The following PLOD2 variants were observed in gnomAD, a reference collection of about 807,000 sequenced individuals.
PLOD2 encodes the protein lysine hydroxylase 2.
PLOD2 carries 65 observed loss-of-function variants against 101.0 expected under a neutral mutation model. The observed-to-expected ratio is 0.64, with a 90% CI of 0.53 to 0.79. The LOEUF is 0.79. Among genes scored for constraint, PLOD2 ranks in the 30% least tolerant of loss-of-function variants. The probability of loss-of-function intolerance (pLI) is 0.00; values close to 1 mark genes in which losing one functional copy is unlikely to be tolerated. For missense variants in PLOD2, 909 were observed against 914.6 expected (o/e 0.99, Z 0.08); for synonymous variants, 314 against 302.9 (o/e 1.04, Z -0.38).
intron 1 of PLOD2, among the ~76,000 whole-genome samples, chr3:146,147,665 AG>A (rs1237900276): frequency 2.6e-5 from 4 of 152,204 alleles, no homozygotes; most frequent in Admixed American, 2.0e-4. Context: ...CAAATATTCC[AG>A]GGGGGACAAA....
At chr3:146,103,315 A>C (rs886071189) in intron 6 of PLOD2, among the ~76,000 whole-genome samples, 2 of 152,224 alleles carry the variant, frequency 1.3e-5, no homozygotes, top group Admixed American at 6.5e-5. Flanking sequence ...CAAGGGTTCT[A>C]CAATTGGCTA....
chr3:146,092,237 T>C (rs1311561782), intron 7 of PLOD2, among the ~76,000 whole-genome samples: 1 of 151,992 alleles, frequency 6.6e-6, no homozygotes, highest in Non-Finnish European at 1.5e-5. Context: ...GTGAGACTTA[T>C]TAGGAAAAAT....
intron 3 of PLOD2, among the ~76,000 whole-genome samples, chr3:146,113,386 TA>T (rs528793023): frequency 6.6e-6 from 1 of 152,292 alleles, no homozygotes; most frequent in Admixed American, 6.5e-5. Context: ...ATTTTGGCTG[TA>T]AAAAGTCAAA....
intron 14 of PLOD2, 91 bp downstream of exon 14, chr3:146,077,771 A>AG: frequency 2.8e-6 from 2 of 720,766 alleles, no homozygotes; most frequent in South Asian, 3.5e-5. Flanking sequence ...GCTAAATGCA[A>AG]ATAAGGCCCT....
chr3:146,160,191 T>C (rs1441750890), intron 1 of PLOD2, among the ~76,000 whole-genome samples: 1 of 152,156 alleles, frequency 6.6e-6, no homozygotes. Context: ...GTGGTGAAAC[T>C]CTCTTTAATC....
chr3:146,119,873 T>A (rs547868858), intron 3 of PLOD2, among the ~76,000 whole-genome samples: 1 of 152,318 alleles, frequency 6.6e-6, no homozygotes, highest in African/African-American at 2.4e-5. Context: ...TCCAAGTCTT[T>A]GCTATCGTGA....
At chr3:146,092,004 T>A in intron 7 of PLOD2, 103 bp from the exon 8 acceptor site, 1 of 706,974 alleles carries the variant, frequency 1.4e-6, no homozygotes, top group South Asian at 1.5e-5. Context: ...GCAGCAGGTA[T>A]ATTCCTTTAG....
At position 146,079,906 on chromosome 3, in the gene PLOD2, T is replaced by TGAA. The variant is rs370516440; in HGVS notation, c.1359-652_1359-650dup. Reference sequence around the variant, plus strand: ...AATATTTTATAGAAAAAGGAAAACATGAAGAAATACAGCTGGGAGCACATG... The same window carrying TGAA: ...AATATTTTATAGAAAAAGGAAAACATGAAGAAGAAATACAGCTGGGAGCACATG... On this transcript the variant is annotated intron_variant, in intron 12 of 19. Transcript: ENST00000282903. Among the ~76,000 whole-genome samples the TGAA allele has an allele frequency of 1.0e-3, 159 of 152,110 alleles. 1 individual carries two copies. Among genetic ancestry groups the TGAA allele is most frequent in the African/African-American group, 3.6e-3 (149 of 41,564 alleles).
chr3:146,114,780 G>A (rs1306770628), intron 3 of PLOD2, among the ~76,000 whole-genome samples: 1 of 152,060 alleles, frequency 6.6e-6, no homozygotes, highest in African/African-American at 2.4e-5. Context: ...GAAAAACAGG[G>A]CACAGAAGAA....
intron 3 of PLOD2, 123 bp from the exon 4 acceptor site, chr3:146,110,571 A>G: frequency 1.4e-6 from 1 of 691,774 alleles, no homozygotes; most frequent in South Asian, 1.9e-5. Flanking sequence ...TACCTGTGCC[A>G]ACTATTTACA....
At chr3:146,078,486 T>C (rs1393766322) in intron 13 of PLOD2, among the ~76,000 whole-genome samples, 2 of 151,920 alleles carry the variant, frequency 1.3e-5, no homozygotes, top group Non-Finnish European at 2.9e-5. Context: ...TATCAATATA[T>C]TCTAAGCCAT....
In PLOD2 at chr3:146,070,139, G is replaced by A. The variant is rs1182544905; in HGVS notation, c.*578C>T. The A allele has an allele frequency of 1.3e-5, 2 of 151,862 alleles. No individual in the cohort carries two copies. Among genetic ancestry groups the A allele is most frequent in the African/African-American group, 4.8e-5 (2 of 41,402 alleles). The allele number at this position is 151,862 out of a possible 1,614,324, so 9.4% of individuals were successfully genotyped here. A position where few individuals can be genotyped will look rare whatever the true frequency, so the allele number is the denominator to read the frequency against. On this transcript the variant is annotated 3_prime_UTR_variant, in exon 20 of 20. Transcript: ENST00000282903. The stretch of plus-strand genomic sequence containing the variant: ...TGTTTTCAACTGTATACGCTCCTCG[G>A]TTGTGTTTTGTACCATTTTCTTGAG...
intron 1 of PLOD2, among the ~76,000 whole-genome samples, chr3:146,143,232 G>A (rs932516130): frequency 6.6e-6 from 1 of 151,706 alleles, no homozygotes; most frequent in Admixed American, 6.6e-5. Context: ...TTAATAGTAA[G>A]TATTAAAATA....
intron 1 of PLOD2, among the ~76,000 whole-genome samples, chr3:146,156,915 C>A (rs1197660290): frequency 6.6e-6 from 1 of 152,094 alleles, no homozygotes; most frequent in Non-Finnish European, 1.5e-5. Flanking sequence ...ATTTCACCAC[C>A]AATAAAAAAA....
chr3:146,081,822 C>A lies in PLOD2; in HGVS notation c.1274G>T (p.Trp425Leu). The A allele has an allele frequency of 6.2e-7, 1 of 1,612,460 alleles. No individual in the cohort carries two copies. Among genetic ancestry groups the A allele is most frequent in the Non-Finnish European group, 8.5e-7 (1 of 1,178,708 alleles). The change falls in exon 12 of 20, where the codon TGG becomes TTG. Residue 425 changes from tryptophan to leucine, a missense_variant. Transcript: ENST00000282903. ...ACTCAATGCTCCCCAGAAATTGGAC[C>A]ACAGCTTTCCATGACGAGTTACAAG... ...APLVTRHGKL[W>L]SNFWGALSPD...
chr3:146,116,524 G>C (rs1327334962), intron 3 of PLOD2, among the ~76,000 whole-genome samples: 1 of 151,980 alleles, frequency 6.6e-6, no homozygotes, highest in Non-Finnish European at 1.5e-5. Flanking sequence ...ATATCAATGG[G>C]ATACCTATAC....
intron 3 of PLOD2, among the ~76,000 whole-genome samples, chr3:146,112,705 G>A (rs1490774596): frequency 6.6e-6 from 1 of 151,992 alleles, no homozygotes; most frequent in Non-Finnish European, 1.5e-5. Context: ...ACAAAAATTA[G>A]CTGTGCGTGG....
At chr3:146,101,038 A>G (rs1482460734) in intron 7 of PLOD2, among the ~76,000 whole-genome samples, 1 of 152,158 alleles carries the variant, frequency 6.6e-6, no homozygotes, top group Non-Finnish European at 1.5e-5. Context: ...TGGAGTGGGA[A>G]GTGCCTAGAG....
Position 146,093,059 on chromosome 3 carries a change from CAA to C in PLOD2, c.778-1160_778-1159del, listed in dbSNP as rs369395318. ...TAAACATGGGGATCAAAAAATGTAC[CAA>C]AGTGTCAACTAGAGTTTTCTAGCTT... On this transcript the variant is annotated intron_variant, in intron 7 of 19. Coordinates refer to ENST00000282903, the MANE Select transcript of PLOD2 (RefSeq NM_182943.3). Among the ~76,000 whole-genome samples the C allele has an allele frequency of 1.1e-3, 164 of 151,892 alleles. 1 individual carries two copies. The highest frequency in any genetic ancestry group is 3.7e-3 in the African/African-American group (154 of 41,452).
Sources: gnomAD v4.1 joint callset for allele counts (sites outside exome capture counted in the v4.1 genomes callset) on GRCh38, gnomAD v4.1.1 for gene constraint, MANE v1.5 for transcripts, NCBI Gene and HGNC (gene_info 2026-07-23, HGNC 2026-07-21) for gene names.